LARGE1: variants seen among roughly 807,000 people sequenced by gnomAD.
The protein encoded by LARGE1 is xylosyl- and glucuronyltransferase LARGE1.
A neutral mutation model predicts 87.6 loss-of-function variants in LARGE1; 43 were observed. The ratio of observed to expected loss-of-function variants is 0.49; its 90% CI spans 0.38 to 0.63. LARGE1 has a LOEUF of 0.63. Among genes scored for constraint, LARGE1 ranks in the 30% least tolerant of loss-of-function variants. LARGE1 has a pLI of 0.00. For missense variants in LARGE1, 802 were observed against 1,000.2 expected (o/e 0.80, Z 2.67); for synonymous variants, 434 against 394.6 (o/e 1.10, Z -1.18).
At chr22:33,704,342 C>T (rs1182649929) in intron 2 of LARGE1, among the ~76,000 whole-genome samples, 2 of 152,166 alleles carry the variant, frequency 1.3e-5, no homozygotes, top group Non-Finnish European at 2.9e-5. Context: ...GGATTTCTCC[C>T]CAGAATCCTG....
chr22:33,275,007 G>C (rs967122805), intron 14 of LARGE1, among the ~76,000 whole-genome samples: 1 of 152,132 alleles, frequency 6.6e-6, no homozygotes, highest in Admixed American at 6.5e-5. Flanking sequence ...ACACGCCATG[G>C]GATATTCTCT....
chr22:33,650,550 C>T lies in LARGE1; in HGVS notation c.225G>A (p.Glu75=). Residue 75 remains glutamate, a synonymous_variant, in exon 3 of 15, where the codon GAG becomes GAA. Transcript: ENST00000397394. ...TGAGCTGCCTGCGGAGGGCGCGGTT[C>T]TCCTCCTCCACCTCGCGCATGCGCA... is the stretch of plus-strand genomic sequence containing the variant. ...LEVRMREVEE[E]NRALRRQLSL... 6.2e-7 allele frequency: 1 copy of T among 1,609,682 alleles called. No homozygotes were observed. The highest frequency in any genetic ancestry group is 1.3e-5 in the African/African-American group (1 of 75,058).
intron 11 of LARGE1, among the ~76,000 whole-genome samples, chr22:33,248,119 G>C (rs1926847923): frequency 6.6e-6 from 1 of 152,030 alleles, no homozygotes; most frequent in South Asian, 2.1e-4. Flanking sequence ...GCAGTTTTAG[G>C]TTCACAGCAA....
chr22:33,308,165 G>T (rs1287768423), intron 11 of LARGE1, among the ~76,000 whole-genome samples: 1 of 152,196 alleles, frequency 6.6e-6, no homozygotes, highest in Non-Finnish European at 1.5e-5. Flanking sequence ...TAAAGGAACA[G>T]GTAGGGAGAC....
chr22:33,206,561 G>A (rs1415739819), intron 11 of LARGE1, among the ~76,000 whole-genome samples: 1 of 152,152 alleles, frequency 6.6e-6, no homozygotes, highest in African/African-American at 2.4e-5. Context: ...ACTTACTAAA[G>A]GTCTAGAACA....
intron 1 of LARGE1, among the ~76,000 whole-genome samples, chr22:33,786,329 G>A (rs542779280): frequency 6.6e-6 from 1 of 152,122 alleles, no homozygotes; most frequent in Admixed American, 6.6e-5. Flanking sequence ...TCTCCAAATT[G>A]CTCCACCAGG....
chr22:33,724,707 T>G (rs1489930117), intron 2 of LARGE1: 2 of 152,046 alleles, frequency 1.3e-5, no homozygotes, highest in Non-Finnish European at 1.5e-5. Context: ...CTTGGCTCAT[T>G]CATTTATTCA....
Position 33,171,464 on chromosome 22 carries a change from T to C in LARGE1, c.1731-4632A>G, listed in dbSNP as rs1190813948. Among the ~76,000 whole-genome samples, 4 of 152,198 alleles carry C rather than the reference T, an allele frequency of 2.6e-5. No individual in the cohort carries two copies. In the East Asian group the frequency reaches 7.7e-4, roughly 29 times the overall value. ...GAGACCTTCACAGCAGCCCCTCCCATCACAGGCCTAGATGCCTAGGAGGGA... is the reference window on the plus strand; with the variant it reads ...GAGACCTTCACAGCAGCCCCTCCCACCACAGGCCTAGATGCCTAGGAGGGA... On this transcript the variant is annotated intron_variant, in intron 11 of 11. Transcript: ENST00000608642.
In LARGE1 at chr22:33,480,133, C is replaced by T. The variant is rs974669767; in HGVS notation, c.788-47868G>A. 7.2e-5 allele frequency among the ~76,000 whole-genome samples: 11 copies of T among 152,160 alleles called. No individual in the cohort carries two copies. The East Asian group carries it at 1.4e-3, about 19-fold the overall frequency. Reference sequence around the variant, plus strand: ...GCCCCCCAGGAGCTACTCAAAGCAACGGTGCCTAAACTGAACACAGAGAGT... The same window carrying T: ...GCCCCCCAGGAGCTACTCAAAGCAATGGTGCCTAAACTGAACACAGAGAGT... On this transcript the variant is annotated intron_variant, in intron 6 of 14. Coordinates refer to ENST00000397394, the MANE Select transcript of LARGE1 (RefSeq NM_133642.5).
chr22:33,099,924 A>G, the LARGE1 span, among the ~76,000 whole-genome samples: 2 of 152,122 alleles, frequency 1.3e-5, no homozygotes, highest in African/African-American at 4.8e-5. Context: ...TCAAGACTGG[A>G]CTCTTCATAA....
At chr22:33,794,632 T>A (rs1458561579) in intron 1 of LARGE1, among the ~76,000 whole-genome samples, 2 of 152,182 alleles carry the variant, frequency 1.3e-5, no homozygotes, top group Non-Finnish European at 2.9e-5. Flanking sequence ...TTCTTTCTTT[T>A]CTTTTTGAGA....
chr22:33,696,992 A>C (rs1421029063), intron 2 of LARGE1, among the ~76,000 whole-genome samples: 1 of 152,014 alleles, frequency 6.6e-6, no homozygotes, highest in East Asian at 1.9e-4. Context: ...ACATACATCA[A>C]AAGCCACATT....
intron 1 of LARGE1, among the ~76,000 whole-genome samples, chr22:33,778,721 G>A (rs2085326475): frequency 6.6e-6 from 1 of 152,082 alleles, no homozygotes; most frequent in Non-Finnish European, 1.5e-5. Context: ...CGCAATCTCG[G>A]CTCACTGCAC....
chr22:33,089,280 G>GTTC, the LARGE1 span, among the ~76,000 whole-genome samples: 2,835 of 146,640 alleles, frequency 0.019, 31 homozygotes, highest in Non-Finnish European at 0.029. Flanking sequence ...TCTTCTTCTT[G>GTTC]TTCTTCTTCT....
chr22:33,720,665 G>A (rs1286610841), intron 2 of LARGE1, among the ~76,000 whole-genome samples: 1 of 152,206 alleles, frequency 6.6e-6, no homozygotes, highest in East Asian at 1.9e-4. Context: ...CAGAGAATGT[G>A]GCCTGTGGTT....
At chr22:33,883,068 T>A (rs1031903907) in intron 1 of LARGE1, among the ~76,000 whole-genome samples, 6 of 152,208 alleles carry the variant, frequency 3.9e-5, no homozygotes, top group East Asian at 1.9e-4. Context: ...TCTAAAGATA[T>A]GCTCGGATGC....
chr22:33,247,742 T>G (rs1926830890), intron 11 of LARGE1, among the ~76,000 whole-genome samples: 1 of 152,242 alleles, frequency 6.6e-6, no homozygotes, highest in Non-Finnish European at 1.5e-5. Context: ...ATTGATGGGA[T>G]AAAGAACAAG....
At chr22:33,734,126 T>G (rs2083567670) in intron 2 of LARGE1, among the ~76,000 whole-genome samples, 1 of 152,188 alleles carries the variant, frequency 6.6e-6, no homozygotes. Context: ...CCTCTGTACA[T>G]GTCATTCTGT....
chr22:33,143,692 G>A, the LARGE1 span, among the ~76,000 whole-genome samples: 1 of 151,986 alleles, frequency 6.6e-6, no homozygotes, highest in Non-Finnish European at 1.5e-5. Context: ...CTTGCCAATT[G>A]GATATTGCAA....
Sources: allele counts gnomAD v4.1 joint callset (sites outside exome capture counted in the v4.1 genomes callset), GRCh38; gene constraint gnomAD v4.1.1; transcripts MANE v1.5; gene names NCBI Gene and HGNC (gene_info 2026-07-23, HGNC 2026-07-21).